Variants in ACVR2B observed in about 807,000 individuals in gnomAD.
ACVR2B encodes the protein activin receptor type-2B.
Under a neutral mutation model 65.1 loss-of-function variants are expected in ACVR2B, and 18 were observed. That is an observed-to-expected ratio of 0.28 (90% CI 0.19 to 0.41). The LOEUF is 0.41. Among genes scored for constraint, ACVR2B ranks in the 10% least tolerant of loss-of-function variants. The pLI is 1.00. For missense variants in ACVR2B, 482 were observed against 682.7 expected (o/e 0.71, Z 3.28); for synonymous variants, 298 against 277.7 (o/e 1.07, Z -0.73).
intron 1 of ACVR2B, among the ~76,000 whole-genome samples, chr3:38,461,006 TGAG>T (rs778664472): frequency 6.6e-6 from 1 of 152,230 alleles, no homozygotes; most frequent in Non-Finnish European, 1.5e-5. Flanking sequence ...TCCGTCCATC[TGAG>T]GAGAAGGAGG....
chr3:38,492,780 ACACACACACACACACACACACACAT>A lies in ACVR2B; in HGVS notation c.*9449_*9473del, dbSNP rs2059821661. On this transcript the variant is annotated 3_prime_UTR_variant, in exon 11 of 11. Transcript: ENST00000352511. Reference sequence around the variant, plus strand: ...CACACACACACACACACACACACACACACACACACACACACACACACACATACACCTAAAATGGCCTAAAGCAGAC... The same window carrying A: ...CACACACACACACACACACACACACAACACCTAAAATGGCCTAAAGCAGAC... 1 of 68,250 alleles carries A rather than the reference ACACACACACACACACACACACACAT, an allele frequency of 1.5e-5. No individual in the cohort carries two copies. The highest frequency in any genetic ancestry group is 3.9e-5 in the Non-Finnish European group (1 of 25,654). The allele number at this position is 68,250 out of a possible 1,614,324, so 4.2% of individuals were successfully genotyped here.
In ACVR2B at chr3:38,483,080, T is replaced by TACC; in HGVS notation, c.1345-58_1345-57insACC. ...ATCAAGTTTACTGTCCCCCAAAGCT[T>TACC]TTCCTCACTGAAGGGTCCTAACAAA... On this transcript the variant is annotated intron_variant, in intron 10 of 10. Coordinates refer to ENST00000352511, the MANE Select transcript of ACVR2B (RefSeq NM_001106.4). This position sits in a 1 kb window ranked among gnomAD's most constrained non-coding sequence, Gnocchi z 4.8. 1 of 1,599,586 alleles carries TACC rather than the reference T, an allele frequency of 6.3e-7. No individual in the cohort carries two copies. The highest frequency in any genetic ancestry group is 8.6e-7 in the Non-Finnish European group (1 of 1,167,382).
In ACVR2B at chr3:38,478,375, G is replaced by A. The variant is rs377027851; in HGVS notation, c.523G>A (p.Asp175Asn). The change falls in exon 5 of 11, where the codon GAC becomes AAC. Residue 175 changes from aspartate to asparagine, a missense_variant and splice_region_variant. Transcript: ENST00000352511. ...PPYGHVDIHE[D>N]PGPPPPSPLV... ...CTTTTTAAGCCTTGCTCTCCCCCAG[G>A]ACCCTGGGCCTCCACCACCATCCCC... 5 of 1,613,968 alleles carry A rather than the reference G, an allele frequency of 3.1e-6. No homozygotes were observed. Among genetic ancestry groups the A allele is most frequent in the Middle Eastern group, 3.3e-4 (2 of 6,084 alleles).
At chr3:38,480,825 CTG>C (rs529159439) in intron 7 of ACVR2B, among the ~76,000 whole-genome samples, 50 of 152,328 alleles carry the variant, frequency 3.3e-4, no homozygotes, top group African/African-American at 1.2e-3. Flanking sequence ...ACTGGGGAAA[CTG>C]AGTACCACAA....
chr3:38,459,318 G>A (rs957672583), intron 1 of ACVR2B, among the ~76,000 whole-genome samples: 4 of 152,210 alleles, frequency 2.6e-5, no homozygotes, highest in Non-Finnish European at 5.9e-5. Context: ...TCCCAGAAGT[G>A]GTTCAGGTTT....
chr3:38,477,958 G>A lies in ACVR2B; in HGVS notation c.358G>A (p.Gly120Arg), dbSNP rs1709941306. ...NERFTHLPEA[G>R]GPEVTYEPPP... Reference sequence around the variant, plus strand: ...ACGCTTCACTCATTTGCCAGAGGCTGGGGGCCCGGAAGGTAAGGGGGCAGT... The same window carrying A: ...ACGCTTCACTCATTTGCCAGAGGCTAGGGGCCCGGAAGGTAAGGGGGCAGT... The change falls in exon 3 of 11, where the codon GGG becomes AGG. Residue 120 changes from glycine to arginine, a missense_variant. Physicochemically the swap from Gly to Arg is moderately radical, Grantham distance 125. This residue lies in a region of ACVR2B where 85 missense variants were observed against 137.3 expected (regional missense o/e 0.62). Coordinates refer to ENST00000352511, the MANE Select transcript of ACVR2B (RefSeq NM_001106.4). This position sits in a 1 kb window ranked among gnomAD's most constrained non-coding sequence, Gnocchi z 6.7. 2 of 1,612,304 alleles carry A rather than the reference G, an allele frequency of 1.2e-6. No homozygotes were observed. Among genetic ancestry groups the A allele is most frequent in the African/African-American group, 2.7e-5 (2 of 74,902 alleles).
chr3:38,476,741 T>C (rs1458413639), intron 1 of ACVR2B: 1 of 166,678 alleles, frequency 6.0e-6, no homozygotes, highest in East Asian at 1.6e-4. Context: ...CAGACAGGGG[T>C]GATTAAAAGC....
chr3:38,482,638 T>A, intron 10 of ACVR2B, 78 bp downstream of exon 10: 2 of 1,565,692 alleles, frequency 1.3e-6, no homozygotes, highest in South Asian at 2.3e-5. Flanking sequence ...TAAGCTGAAA[T>A]CAAGGGGGAA....
chr3:38,475,673 T>A (rs1050181997), intron 1 of ACVR2B: 9 of 152,346 alleles, frequency 5.9e-5, no homozygotes, highest in African/African-American at 2.2e-4. Flanking sequence ...AATCAAGCTC[T>A]TTCCTCATGA....
At chr3:38,474,030 C>A (rs888595977) in intron 1 of ACVR2B, 2 of 152,328 alleles carry the variant, frequency 1.3e-5, no homozygotes, top group Non-Finnish European at 2.9e-5. Context: ...TACAGGTGTC[C>A]GCCGCCATGC....
At chr3:38,474,176 C>G (rs1228587672) in intron 1 of ACVR2B, 1 of 152,704 alleles carries the variant, frequency 6.5e-6, no homozygotes, top group Non-Finnish European at 1.5e-5. Flanking sequence ...GCCACCGTGC[C>G]TGGCCCAGCT....
intron 1 of ACVR2B, among the ~76,000 whole-genome samples, chr3:38,463,233 A>G (rs979842134): frequency 2.6e-5 from 4 of 152,208 alleles, no homozygotes; most frequent in African/African-American, 7.2e-5. Flanking sequence ...ACCAGGCTCT[A>G]TGCTGCGTGC....
intron 1 of ACVR2B, among the ~76,000 whole-genome samples, chr3:38,468,704 T>C (rs1261898799): frequency 1.3e-5 from 2 of 152,176 alleles, no homozygotes; most frequent in African/African-American, 4.8e-5. Context: ...CTTTTCTACT[T>C]TATCCAGAGC....
Position 38,487,426 on chromosome 3 carries a change from T to C in ACVR2B, c.*4094T>C, listed in dbSNP as rs1355104713. 1.3e-5 allele frequency: 2 copies of C among 152,308 alleles called. No individual in the cohort carries two copies. The highest frequency in any genetic ancestry group is 2.4e-5 in the African/African-American group (1 of 41,442). 9.4% of individuals were successfully genotyped at this position (152,308 alleles called of 1,614,324 possible). On this transcript the variant is annotated 3_prime_UTR_variant, in exon 11 of 11. Coordinates refer to ENST00000352511, the MANE Select transcript of ACVR2B (RefSeq NM_001106.4). ...GACAGCAAAGCACTTCATCCTGTAGTTGGGCTCTGTCACCTTTCTCTTCAG... is the reference window on the plus strand; with the variant it reads ...GACAGCAAAGCACTTCATCCTGTAGCTGGGCTCTGTCACCTTTCTCTTCAG...
chr3:38,483,145 C>T lies in ACVR2B; in HGVS notation c.1352C>T (p.Ala451Val), dbSNP rs753310490. The T allele has an allele frequency of 4.3e-5, 69 of 1,614,034 alleles. No individual in the cohort carries two copies. The highest frequency in any genetic ancestry group is 5.5e-5 in the Non-Finnish European group (65 of 1,180,042). Reference sequence around the variant, plus strand: ...CTGCCCTATGCTGCTTAGGGCCTGGCCCAGCTTTGTGTGACCATCGAGGAG... The same window carrying T: ...CTGCCCTATGCTGCTTAGGGCCTGGTCCAGCTTTGTGTGACCATCGAGGAG... ...KDHWLKHPGL[A>V]QLCVTIEECW... Residue 451 changes from alanine to valine, a missense_variant, in exon 11 of 11, where the codon GCC becomes GTC. Ala to Val is a moderately conservative substitution (Grantham distance 64). Transcript: ENST00000352511. The surrounding 1 kb of genome is among the most constrained non-coding windows in gnomAD (Gnocchi z 4.8).
chr3:38,483,377 A>G lies in ACVR2B; in HGVS notation c.*45A>G, dbSNP rs1710054908. ...GTCCAGACTCAGTGGATCTGAAGAA[A>G]AAAGGAAAAAAAGTTGTGTTTTGTT... On this transcript the variant is annotated 3_prime_UTR_variant, in exon 11 of 11. Transcript: ENST00000352511. This position sits in a 1 kb window ranked among gnomAD's most constrained non-coding sequence, Gnocchi z 4.8. 2 of 1,604,158 alleles carry G rather than the reference A, an allele frequency of 1.2e-6. No homozygotes were observed. Among genetic ancestry groups the G allele is most frequent in the Non-Finnish European group, 1.7e-6 (2 of 1,171,296 alleles).
chr3:38,470,346 A>G (rs910881496), intron 1 of ACVR2B, among the ~76,000 whole-genome samples: 4 of 152,256 alleles, frequency 2.6e-5, no homozygotes, highest in African/African-American at 9.6e-5. Flanking sequence ...GAATATCTGC[A>G]AAGTTAAATT....
At chr3:38,462,328 C>A (rs1318735598) in intron 1 of ACVR2B, among the ~76,000 whole-genome samples, 1 of 152,062 alleles carries the variant, frequency 6.6e-6, no homozygotes, top group Admixed American at 6.5e-5. Context: ...CCATAAGTAA[C>A]AGCTAAGAAG....
In ACVR2B at chr3:38,487,664, C is replaced by G. The variant is rs1317325985; in HGVS notation, c.*4332C>G. On this transcript the variant is annotated 3_prime_UTR_variant, in exon 11 of 11. Coordinates refer to ENST00000352511, the MANE Select transcript of ACVR2B (RefSeq NM_001106.4). ...TAAAGTGGGAGTATTGGATGGCCCT[C>G]TTGAAACTAGAATTTTGCCTTTTTT... 1.3e-5 allele frequency: 2 copies of G among 152,128 alleles called. No individual in the cohort carries two copies. The highest frequency in any genetic ancestry group is 2.9e-5 in the Non-Finnish European group (2 of 68,028). The allele number at this position is 152,128 out of a possible 1,614,324, so 9.4% of individuals were successfully genotyped here.
Sources: gnomAD v4.1 joint callset for allele counts (sites outside exome capture counted in the v4.1 genomes callset) on GRCh38, gnomAD v4.1.1 for gene constraint, gnomAD v4.1.1 regional missense constraint, Gnocchi (gnomAD v3.1) non-coding constraint, MANE v1.5 for transcripts, NCBI Gene and HGNC (gene_info 2026-07-23, HGNC 2026-07-21) for gene names.